MYO5B: variants seen among roughly 807,000 people sequenced by gnomAD.
MYO5B encodes myosin VB, also known as unconventional myosin-Vb.
In MYO5B, 143 loss-of-function variants were observed where a neutral mutation model predicts 229.3. The observed-to-expected ratio is 0.62, with a 90% CI of 0.54 to 0.72. The LOEUF is 0.72. Among genes scored for constraint, MYO5B ranks in the 30% least tolerant of loss-of-function variants. The pLI, the probability that MYO5B is intolerant of heterozygous loss-of-function variation, is 0.00. For synonymous variants in MYO5B, 918 were observed against 885.2 expected, an observed-to-expected ratio of 1.04 and a Z score of -0.66; for missense variants, 2,321 against 2,331.0, an observed-to-expected ratio of 1.00 and a Z score of 0.09.
intron 1 of MYO5B, among the ~76,000 whole-genome samples, chr18:50,182,497 T>C (rs1288623610): frequency 1.3e-5 from 2 of 152,204 alleles, no homozygotes; most frequent in Non-Finnish European, 2.9e-5. Flanking sequence ...AGGGCAAAAA[T>C]ATGTGCCCAA....
At chr18:50,077,168 TAA>T (rs71169476) in intron 1 of MYO5B, among the ~76,000 whole-genome samples, 8,373 of 81,326 alleles carry the variant, frequency 0.1, 357 homozygotes, top group African/African-American at 0.18. Context: ...TGTGGCAAAG[TAA>T]AAAAAAAAAA....
At chr18:49,965,455 T>TCACACACACA (rs57101973) in intron 10 of MYO5B, among the ~76,000 whole-genome samples, 10,634 of 147,100 alleles carry the variant, frequency 0.072, 453 homozygotes, top group East Asian at 0.17. Flanking sequence ...ACACTTCTTT[T>TCACACACACA]CACACACACA....
At chr18:50,070,863 G>C (rs2144447517) in intron 1 of MYO5B, among the ~76,000 whole-genome samples, 1 of 151,252 alleles carries the variant, frequency 6.6e-6, no homozygotes, top group South Asian at 2.1e-4. Flanking sequence ...CCTGTTTTGA[G>C]ACAGGATCTC....
intron 1 of MYO5B, among the ~76,000 whole-genome samples, chr18:50,115,496 A>G (rs573948633): frequency 1.4e-4 from 22 of 152,024 alleles, no homozygotes; most frequent in South Asian, 6.3e-4. Context: ...GGCTCTAGAA[A>G]GTTGGTGGCC....
At chr18:50,187,509 C>T (rs1447993415) in intron 1 of MYO5B, among the ~76,000 whole-genome samples, 1 of 149,808 alleles carries the variant, frequency 6.7e-6, no homozygotes, top group Non-Finnish European at 1.5e-5. Context: ...TTGAGAAATG[C>T]TTTTTTTGGG....
rs757863493 is a variant in MYO5B, at chr18:49,847,108, AG to A, written c.4459+37del. ...TGGAGATGGGAGCGGGGGCTGAAGG[AG>A]GGGCAGGCAGCATAGGGTGGCACAG... On this transcript the variant is annotated intron_variant, in intron 33 of 39. Coordinates refer to ENST00000285039, the MANE Select transcript of MYO5B (RefSeq NM_001080467.3). The A allele has an allele frequency of 4.7e-5, 75 of 1,612,048 alleles. No individual in the cohort carries two copies. The South Asian group carries it at 7.9e-4, about 17-fold the overall frequency.
chr18:49,931,328 G>T (rs79861762), intron 16 of MYO5B, among the ~76,000 whole-genome samples: 6,959 of 152,168 alleles, frequency 0.046, 438 homozygotes, highest in East Asian at 0.19. Context: ...CCTCCAGGCT[G>T]TGCTCACTGT....
intron 4 of MYO5B, among the ~76,000 whole-genome samples, chr18:50,027,057 T>C (rs2026338674): frequency 6.6e-6 from 1 of 152,210 alleles, no homozygotes; most frequent in Non-Finnish European, 1.5e-5. Context: ...TCTTCTGGGA[T>C]ATAAATGTGA....
chr18:49,896,167 C>T (rs1279853376), intron 21 of MYO5B, among the ~76,000 whole-genome samples: 1 of 152,130 alleles, frequency 6.6e-6, no homozygotes, highest in Non-Finnish European at 1.5e-5. Flanking sequence ...AGCCCTTGGA[C>T]CCTGTAAAAT....
At chr18:49,918,366 C>A (rs2144174168) in intron 17 of MYO5B, among the ~76,000 whole-genome samples, 1 of 152,298 alleles carries the variant, frequency 6.6e-6, no homozygotes, top group South Asian at 2.1e-4. Flanking sequence ...GGCATAAGGC[C>A]CTAAGTCACA....
chr18:49,943,804 G>T (rs1330235186), intron 14 of MYO5B, among the ~76,000 whole-genome samples: 1 of 152,164 alleles, frequency 6.6e-6, no homozygotes, highest in South Asian at 2.1e-4. Context: ...ATAATGACAA[G>T]AAGATGAATA....
intron 27 of MYO5B, among the ~76,000 whole-genome samples, chr18:49,870,328 T>C (rs1244063809): frequency 6.6e-6 from 1 of 152,176 alleles, no homozygotes; most frequent in African/African-American, 2.4e-5. Flanking sequence ...AGACCTAAAA[T>C]TGTAAAACTC....
chr18:49,951,001 A>C (rs1022491271), intron 14 of MYO5B, among the ~76,000 whole-genome samples: 11 of 152,194 alleles, frequency 7.2e-5, no homozygotes, highest in African/African-American at 2.7e-4. Flanking sequence ...GGGAGTTTGG[A>C]ATTTTGGTTT....
Position 49,954,340 on chromosome 18 carries a change from G to C in MYO5B, c.1641C>G (p.Ala547=). 1 of 1,614,054 alleles carries C rather than the reference G, an allele frequency of 6.2e-7. No homozygotes were observed. Among genetic ancestry groups the C allele is most frequent in the Non-Finnish European group, 8.5e-7 (1 of 1,179,966 alleles). ...HFQKPRMSNT[A]FIIVHFADKV... is the part of the protein sequence containing the mutation. Reference sequence around the variant, plus strand: ...TGTCTGCAAAGTGGACGATGATGAAGGCCGTGTTGGACATGCGGGGCTTCT... The same window carrying C: ...TGTCTGCAAAGTGGACGATGATGAACGCCGTGTTGGACATGCGGGGCTTCT... The change falls in exon 13 of 40, where the codon GCC becomes GCG. Residue 547 remains alanine (A), a synonymous_variant. Transcript: ENST00000285039.
chr18:50,103,061 C>T (rs1191547352), intron 1 of MYO5B, among the ~76,000 whole-genome samples: 3 of 152,234 alleles, frequency 2.0e-5, no homozygotes, highest in Non-Finnish European at 4.4e-5. Flanking sequence ...TCTCCCCTGC[C>T]CCGCCTGTCC....
At chr18:49,923,082 G>C (rs2025092200) in intron 17 of MYO5B, among the ~76,000 whole-genome samples, 1 of 152,166 alleles carries the variant, frequency 6.6e-6, no homozygotes, top group Non-Finnish European at 1.5e-5. Flanking sequence ...TAAGCAGTAG[G>C]AACAGGGCAG....
chr18:50,125,902 A>G (rs922453914), intron 1 of MYO5B, among the ~76,000 whole-genome samples: 7 of 152,214 alleles, frequency 4.6e-5, no homozygotes, highest in Non-Finnish European at 8.8e-5. Flanking sequence ...ATAAGCCAGA[A>G]AAGGACAAGA....
intron 2 of MYO5B, 62 bp from the exon 3 acceptor site, chr18:50,040,376 T>C (rs1373540285): frequency 3.5e-6 from 5 of 1,443,316 alleles, no homozygotes; most frequent in African/African-American, 1.4e-5. Context: ...CTGTATTCAA[T>C]GTCCTGTCTT....
intron 1 of MYO5B, among the ~76,000 whole-genome samples, chr18:50,173,291 AGAG>A (rs2032945232): frequency 6.6e-6 from 1 of 151,808 alleles, no homozygotes; most frequent in East Asian, 1.9e-4. Context: ...AAAAAAAAAA[AGAG>A]GAGGCCAGTG....
Sources: gnomAD v4.1 joint callset for allele counts (sites outside exome capture counted in the v4.1 genomes callset) on GRCh38, gnomAD v4.1.1 for gene constraint, MANE v1.5 for transcripts, NCBI Gene and HGNC (gene_info 2026-07-23, HGNC 2026-07-21) for gene names.